The following KRT74 variants were observed in gnomAD, a reference collection of about 807,000 sequenced individuals.
KRT74 encodes keratin, type II cytoskeletal 74.
Under a neutral mutation model 42.7 loss-of-function variants are expected in KRT74, and 43 were observed. The observed-to-expected ratio is 1.01, with a 90% confidence interval of 0.79 to 1.30. The LOEUF is 1.30. KRT74 is among the 50% of genes most tolerant of loss of function. The pLI is 0.00. For synonymous variants in KRT74, 302 were observed against 279.0 expected, an observed-to-expected ratio of 1.08 and a Z score of -0.82; for missense variants, 736 against 689.1, an observed-to-expected ratio of 1.07 and a Z score of -0.76.
At chr12:52,568,464 C>A in intron 6 of KRT74, 75 bp from the exon 7 acceptor site, 2 of 1,510,598 alleles carry the variant, frequency 1.3e-6, no homozygotes, top group Admixed American at 3.8e-5. Flanking sequence ...TAGAACAATG[C>A]CCTCATTTTG....
intron 2 of KRT74, 88 bp downstream of exon 2, chr12:52,572,365 C>T (rs377521094): frequency 4.4e-6 from 6 of 1,365,916 alleles, no homozygotes; most frequent in Non-Finnish European, 6.3e-6. Context: ...CATACTCCCC[C>T]ATCTCCTAAA....
At position 52,567,301 on chromosome 12, in the gene KRT74, A is replaced by G. The variant is rs530550182; in HGVS notation, c.1391-133T>C. 9 of 758,674 alleles carry G rather than the reference A, an allele frequency of 1.2e-5. No homozygotes were observed. In the African/African-American group the frequency reaches 1.6e-4, roughly 13 times the overall value. The allele number at this position is 758,674 out of a possible 1,614,324, so 47.0% of individuals were successfully genotyped here. On this transcript the variant is annotated intron_variant, in intron 8 of 8. Coordinates refer to ENST00000305620, the MANE Select transcript of KRT74 (RefSeq NM_175053.4). ...ATCCGCAGAACCACCCTCAGTAGTC[A>G]AGAAGCACTACAGAGATGAACTGAG...
chr12:52,569,488 A>T, intron 6 of KRT74: 1 of 611,518 alleles, frequency 1.6e-6, no homozygotes, highest in South Asian at 1.9e-5. Flanking sequence ...CAGAGGGGGC[A>T]CCCAAAGGGG....
intron 1 of KRT74, among the ~76,000 whole-genome samples, chr12:52,572,962 C>T (rs1939513907): frequency 6.6e-6 from 1 of 152,164 alleles, no homozygotes. Context: ...GTGTCTCTTC[C>T]TGTACCATGA....
At position 52,566,707 on chromosome 12, in the gene KRT74, G is replaced by C. The variant is rs1262837020; in HGVS notation, c.*262C>G. ...TCCTTAGGGCCAAGAAGGTTATAATGGCTTGTGCCTCCAAAGCCTCCTGCC... is the reference window on the plus strand; with the variant it reads ...TCCTTAGGGCCAAGAAGGTTATAATCGCTTGTGCCTCCAAAGCCTCCTGCC... On this transcript the variant is annotated 3_prime_UTR_variant, in exon 9 of 9. Coordinates refer to ENST00000305620, the MANE Select transcript of KRT74 (RefSeq NM_175053.4). 1 of 414,878 alleles carries C rather than the reference G, an allele frequency of 2.4e-6. No individual in the cohort carries two copies. The highest frequency in any genetic ancestry group is 3.5e-5 in the East Asian group (1 of 28,850). The allele number at this position is 414,878 out of a possible 1,614,324, so 25.7% of individuals were successfully genotyped here.
chr12:52,572,513 C>T lies in KRT74; in HGVS notation c.626G>A (p.Arg209Lys). ...TCTCAGCTCCGAGTCCAGCCTCACC[C>T]TGTCCCCAGACAGTGTCTCCAGCTG... The part of the protein sequence containing the change: ...RKQLETLSGD[R>K]VRLDSELRSM... Residue 209 changes from arginine to lysine, a missense_variant, in exon 2 of 9, where the codon AGG becomes AAG. By Grantham distance (26) the Arg-to-Lys change is conservative. Transcript: ENST00000305620. 6.2e-7 allele frequency: 1 copy of T among 1,614,236 alleles called. No individual in the cohort carries two copies. The highest frequency in any genetic ancestry group is 8.5e-7 in the Non-Finnish European group (1 of 1,180,048).
chr12:52,567,272 T>C, intron 8 of KRT74, 104 bp from the exon 9 acceptor site: 1 of 976,212 alleles, frequency 1.0e-6, no homozygotes, highest in South Asian at 1.8e-5. Context: ...CAACACCTCA[T>C]TTAATCCGCA....
chr12:52,572,670 G>A lies in KRT74; in HGVS notation c.472-3C>T, dbSNP rs542946179. On this transcript the variant is annotated splice_region_variant and splice_polypyrimidine_tract_variant and intron_variant, in intron 1 of 8. Coordinates refer to ENST00000305620, the MANE Select transcript of KRT74 (RefSeq NM_175053.4). ...TTCTGCTGCTCTAGGAAGCGTACCT[G>A]GAACCCAAATCAACAGACACCTGGA... 19 of 1,613,992 alleles carry A rather than the reference G, an allele frequency of 1.2e-5. No homozygotes were observed. The Admixed American group carries it at 2.3e-4, about 20-fold the overall frequency.
rs1939533726 is a variant in KRT74, at chr12:52,573,799, A to T, written c.-22T>A. ...TCATGGTGGGAAAGGTTGAGTTGAC[A>T]GAGCTGGAGAAAAGCAGTCTCCAAG... On this transcript the variant is annotated 5_prime_UTR_variant, in exon 1 of 9. Coordinates refer to ENST00000305620, the MANE Select transcript of KRT74 (RefSeq NM_175053.4). The T allele has an allele frequency of 1.3e-6, 2 of 1,594,118 alleles. No individual in the cohort carries two copies. The highest frequency in any genetic ancestry group is 1.7e-4 in the Middle Eastern group (1 of 6,026).
At position 52,566,935 on chromosome 12, in the gene KRT74, T is replaced by A; in HGVS notation, c.*34A>T. 4 of 1,583,868 alleles carry A rather than the reference T, an allele frequency of 2.5e-6. No individual in the cohort carries two copies. The highest frequency in any genetic ancestry group is 3.4e-6 in the Non-Finnish European group (4 of 1,160,616). On this transcript the variant is annotated 3_prime_UTR_variant, in exon 9 of 9. Coordinates refer to ENST00000305620, the MANE Select transcript of KRT74 (RefSeq NM_175053.4). ...CTTTGGGGGTGGCAAAGTCACCTCT[T>A]CTTCCAAGTGCTGAGGTGGGTGAGG... is the stretch of plus-strand genomic sequence containing the variant.
At chr12:52,573,269 CTCAGGG>C (rs1174333940) in intron 1 of KRT74, 32 bp downstream of exon 1, 3 of 1,598,018 alleles carry the variant, frequency 1.9e-6, no homozygotes, top group South Asian at 2.2e-5. Context: ...CTGCTCAGGC[CTCAGGG>C]TGCGGCCTCA....
intron 6 of KRT74, among the ~76,000 whole-genome samples, chr12:52,568,893 T>G (rs1356856755): frequency 6.6e-6 from 1 of 152,198 alleles, no homozygotes; most frequent in Non-Finnish European, 1.5e-5. Flanking sequence ...ACATCTGGCC[T>G]TCCCTTAGAG....
chr12:52,567,668 C>A lies in KRT74; in HGVS notation c.1381G>T (p.Val461Leu). Residue 461 changes from valine to leucine, a missense_variant, in exon 8 of 9, where the codon GTG becomes TTG. Coordinates refer to ENST00000305620, the MANE Select transcript of KRT74 (RefSeq NM_175053.4). Reference protein sequence around the residue: ...CRMSGENPSSVSISVISSSSY... With the variant: ...CRMSGENPSSLSISVISSSSY... ...TCTCAAGAATACTCACAGATGCTCA[C>A]AGAGGATGGATTCTCACCAGACATC... 6.2e-7 allele frequency: 1 copy of A among 1,612,504 alleles called. No homozygotes were observed. Among genetic ancestry groups the A allele is most frequent in the East Asian group, 2.2e-5 (1 of 44,876 alleles).
chr12:52,573,158 AC>A lies in KRT74; in HGVS notation c.471+148del, dbSNP rs542533248. ...TGTATTCCTTTGTCCTCCGTGGCTC[AC>A]AGACCTACTCTCCTTCCCTAATGGT... On this transcript the variant is annotated intron_variant, in intron 1 of 8. Coordinates refer to ENST00000305620, the MANE Select transcript of KRT74 (RefSeq NM_175053.4). 2.7e-4 allele frequency: 211 copies of A among 782,396 alleles called. 4 individuals carry two copies. In the South Asian group the frequency reaches 3.1e-3, roughly 12 times the overall value. 48.5% of individuals were successfully genotyped at this position (782,396 alleles called of 1,614,324 possible).
chr12:52,571,231 T>G (rs2120649326), intron 4 of KRT74, 128 bp downstream of exon 4: 1 of 720,762 alleles, frequency 1.4e-6, no homozygotes, highest in African/African-American at 1.7e-5. Flanking sequence ...GGTCTCCTGG[T>G]GCAGGGTTTT....
At chr12:52,572,718 C>G (rs1466116502) in intron 1 of KRT74, 51 bp from the exon 2 acceptor site, 18 of 1,512,440 alleles carry the variant, frequency 1.2e-5, no homozygotes, top group Admixed American at 1.7e-5. Context: ...GCAGTCATGC[C>G]CCCTGGACAC....
At chr12:52,571,166 G>T (rs576515316) in intron 4 of KRT74, among the ~76,000 whole-genome samples, 193 bp downstream of exon 4, 17 of 152,370 alleles carry the variant, frequency 1.1e-4, no homozygotes, top group African/African-American at 3.6e-4. Context: ...ATTGTATCAA[G>T]ATCAATTTCC....
chr12:52,570,489 A>G (rs1054809665), intron 5 of KRT74, among the ~76,000 whole-genome samples, 180 bp downstream of exon 5: 2 of 152,218 alleles, frequency 1.3e-5, no homozygotes, highest in Non-Finnish European at 2.9e-5. Context: ...AATCCATACC[A>G]GTTTCATGAT....
chr12:52,572,546 A>C lies in KRT74; in HGVS notation c.593T>G (p.Leu198Arg), dbSNP rs1412461779. 1 of 1,614,054 alleles carries C rather than the reference A, an allele frequency of 6.2e-7. No individual in the cohort carries two copies. Residue 198 changes from leucine to arginine, a missense_variant, in exon 2 of 9, where the codon CTG becomes CGG. Transcript: ENST00000305620. The stretch of plus-strand genomic sequence containing the variant: ...AGACAGTGTCTCCAGCTGCTTCCGC[A>C]GGTTGCTGATGTAGCCCTCAAGGAT... The part of the protein sequence containing the change: ...EPILEGYISN[L>R]RKQLETLSGD...
Sources: gnomAD v4.1 joint callset for allele counts (sites outside exome capture counted in the v4.1 genomes callset) on GRCh38, gnomAD v4.1.1 for gene constraint, MANE v1.5 for transcripts, NCBI Gene and HGNC (gene_info 2026-07-23, HGNC 2026-07-21) for gene names.